RMI1: variants seen among roughly 807,000 people sequenced by gnomAD.
RMI1 encodes recQ-mediated genome instability protein 1.
Under a neutral mutation model 46.7 loss-of-function variants are expected in RMI1, and 36 were observed. That is an observed-to-expected ratio of 0.77 (90% CI 0.59 to 1.02). RMI1 has a LOEUF of 1.02. Among genes scored for constraint, RMI1 ranks in the 50% least tolerant of loss-of-function variants. The probability of loss-of-function intolerance (pLI) is 0.00; values close to 1 mark genes in which losing one functional copy is unlikely to be tolerated. For synonymous variants in RMI1, 250 were observed against 252.9 expected (o/e 0.99, Z 0.11); for missense variants, 676 against 713.7 (o/e 0.95, Z 0.60).
At chr9:83,980,639 G>C (rs1456201472), upstream of RMI1, 1 of 153,276 alleles carries the variant, frequency 6.5e-6, no homozygotes, top group Non-Finnish European at 1.5e-5. Context: ...CTAGCTGGGG[G>C]GAGGGGCGGC....
rs775048315 is a variant in RMI1, at chr9:84,002,392, G to T, written c.1406G>T (p.Cys469Phe). ...SNENDCNLQS[C>F]SLRSSENSIN... ...GAAAATGATTGTAATTTACAGAGTT[G>T]TTCTTTAAGATCATCAGAGAATAGC... Residue 469 changes from cysteine to phenylalanine, a missense_variant, in exon 3 of 3, where the codon TGT (cysteine) becomes TTT (phenylalanine). Transcript: ENST00000445877. 6.2e-7 allele frequency: 1 copy of T among 1,612,346 alleles called. No individual in the cohort carries two copies. The highest frequency in any genetic ancestry group is 1.1e-5 in the South Asian group (1 of 91,040).
chr9:83,986,036 A>G (rs1004630268), intron 1 of RMI1, among the ~76,000 whole-genome samples: 2 of 152,184 alleles, frequency 1.3e-5, no homozygotes, highest in Admixed American at 6.5e-5. Flanking sequence ...AGCATATACC[A>G]GGAAGAGCAA....
chr9:83,988,157 T>C (rs973984838), intron 1 of RMI1, among the ~76,000 whole-genome samples: 20 of 152,188 alleles, frequency 1.3e-4, no homozygotes, highest in Non-Finnish European at 2.4e-4. Flanking sequence ...GTGCTGGGAT[T>C]ACAGGTGTGT....
rs1458363977 is a variant in RMI1 at position 84,002,910 on chromosome 9, A to C, written c.*46A>C. On this transcript the variant is annotated 3_prime_UTR_variant, in exon 3 of 3. Coordinates refer to ENST00000445877, the MANE Select transcript of RMI1 (RefSeq NM_001358291.2). The stretch of plus-strand genomic sequence containing the variant: ...GAACAATTAAAAACAACAAGGAAAT[A>C]TTTAGAATTTGTTCACAATTTTACT... 8.6e-7 allele frequency: 1 copy of C among 1,166,884 alleles called. No individual in the cohort carries two copies. The highest frequency in any genetic ancestry group is 2.4e-5 in the Admixed American group (1 of 40,960). The allele number at this position is 1,166,884 out of a possible 1,614,324, so 72.3% of individuals were successfully genotyped here.
chr9:84,002,839 A>G lies in RMI1; in HGVS notation c.1853A>G (p.Asn618Ser). 1 of 1,554,034 alleles carries G rather than the reference A, an allele frequency of 6.4e-7. No homozygotes were observed. Among genetic ancestry groups the G allele is most frequent in the Non-Finnish European group, 8.8e-7 (1 of 1,141,652 alleles). ...LQDVNMEHLE[N>S]LKKRLNK ...GATGTTAATATGGAACACCTTGAGA[A>G]TCTAAAGAAGCGGTTAAATAAATAA... is the stretch of plus-strand genomic sequence containing the variant. The change falls in exon 3 of 3, where the codon AAT (asparagine) becomes AGT (serine). Residue 618 changes from asparagine to serine, a missense_variant. Physicochemically the swap from Asn to Ser is conservative, Grantham distance 46. Coordinates refer to ENST00000445877, the MANE Select transcript of RMI1 (RefSeq NM_001358291.2).
intron 1 of RMI1, among the ~76,000 whole-genome samples, chr9:83,999,008 GCA>G (rs1957699411): frequency 6.6e-6 from 1 of 152,088 alleles, no homozygotes; most frequent in Non-Finnish European, 1.5e-5. Flanking sequence ...AGGTGTGGTG[GCA>G]CACACCTGTA....
intron 1 of RMI1, among the ~76,000 whole-genome samples, chr9:83,985,514 A>AT (rs1957476365): frequency 6.6e-6 from 1 of 152,126 alleles, no homozygotes; most frequent in Non-Finnish European, 1.5e-5. Flanking sequence ...AGTCAATGGA[A>AT]TTTTTTTCTT....
chr9:83,989,728 G>A (rs1957541544), intron 1 of RMI1, among the ~76,000 whole-genome samples: 1 of 151,800 alleles, frequency 6.6e-6, no homozygotes, highest in South Asian at 2.1e-4. Context: ...AAGGGGAATG[G>A]TAGGACAGTT....
rs756372087 is a variant in RMI1, at chr9:84,002,140, A to G, written c.1154A>G (p.Glu385Gly). 2.5e-6 allele frequency: 4 copies of G among 1,613,804 alleles called. No individual in the cohort carries two copies. ...EKNVSEQMTNEDKSFGCPSVR... is the reference protein window; with the variant it reads ...EKNVSEQMTNGDKSFGCPSVR... ...AATGTATCTGAACAAATGACTAATG[A>G]AGACAAATCATTTGGTTGTCCATCT... The change falls in exon 3 of 3, where the codon GAA becomes GGA. Residue 385 changes from glutamate to glycine, a missense_variant. Coordinates refer to ENST00000445877, the MANE Select transcript of RMI1 (RefSeq NM_001358291.2).
rs1957751880 is a variant in RMI1, at chr9:84,002,386, A to G, written c.1400A>G (p.Gln467Arg). The G allele has an allele frequency of 6.2e-7, 1 of 1,611,320 alleles. No homozygotes were observed. The highest frequency in any genetic ancestry group is 1.3e-5 in the African/African-American group (1 of 74,780). ...TCTAATGAAAATGATTGTAATTTACAGAGTTGTTCTTTAAGATCATCAGAG... is the reference window on the plus strand; with the variant it reads ...TCTAATGAAAATGATTGTAATTTACGGAGTTGTTCTTTAAGATCATCAGAG... Reference protein sequence around the residue: ...QISNENDCNLQSCSLRSSENS... With the variant: ...QISNENDCNLRSCSLRSSENS... Residue 467 changes from glutamine (Q) to arginine (R), a missense_variant, in exon 3 of 3, where the codon CAG (glutamine) becomes CGG (arginine). Transcript: ENST00000445877.
intron 1 of RMI1, among the ~76,000 whole-genome samples, chr9:83,982,848 A>T (rs749682819): frequency 6.6e-6 from 1 of 152,170 alleles, no homozygotes; most frequent in Non-Finnish European, 1.5e-5. Context: ...TCTTTAAATA[A>T]CAGGAAAGTC....
chr9:83,983,315 C>T (rs1265867059), intron 1 of RMI1, among the ~76,000 whole-genome samples: 1 of 152,082 alleles, frequency 6.6e-6, no homozygotes, highest in Non-Finnish European at 1.5e-5. Flanking sequence ...CTGTCTTTTC[C>T]TTACTTTAGG....
intron 1 of RMI1, among the ~76,000 whole-genome samples, chr9:83,985,730 C>T (rs111636949): frequency 0.034 from 5,105 of 152,280 alleles, 266 homozygotes; most frequent in African/African-American, 0.11. Context: ...CACATACGGC[C>T]GGGCGCGGTG....
At chr9:83,984,487 G>A (rs1224391247) in intron 1 of RMI1, among the ~76,000 whole-genome samples, 1 of 151,636 alleles carries the variant, frequency 6.6e-6, no homozygotes, top group Non-Finnish European at 1.5e-5. Flanking sequence ...GGTCAGGCTG[G>A]TCTGGATCTC....
Position 83,990,442 on chromosome 9 carries a change from G to A in RMI1, c.-125-9267G>A, listed in dbSNP as rs115564438. On this transcript the variant is annotated intron_variant, in intron 1 of 2. Transcript: ENST00000445877. Reference sequence around the variant, plus strand: ...GGAGAATCGCTTGAAGTCAGGAGGCGGAGGTTGCCGTGAGTCGAGATAGCG... The same window carrying A: ...GGAGAATCGCTTGAAGTCAGGAGGCAGAGGTTGCCGTGAGTCGAGATAGCG... Among the ~76,000 whole-genome samples, 1,043 of 151,988 alleles carry A rather than the reference G, an allele frequency of 6.9e-3. 15 individuals carry two copies. The highest frequency in any genetic ancestry group is 0.024 in the African/African-American group (999 of 41,462).
At chr9:83,997,156 G>C (rs948704564) in intron 1 of RMI1, among the ~76,000 whole-genome samples, 3 of 133,940 alleles carry the variant, frequency 2.2e-5, no homozygotes, top group Admixed American at 9.0e-5. Flanking sequence ...TTGTTGCCCA[G>C]GCTGGAGTGC....
chr9:83,988,405 G>T (rs570448948), intron 1 of RMI1, among the ~76,000 whole-genome samples: 15 of 152,308 alleles, frequency 9.8e-5, no homozygotes, highest in African/African-American at 3.6e-4. Flanking sequence ...CTAGGCTCAG[G>T]TGATCCTCCT....
chr9:83,985,836 G>A (rs982926927), intron 1 of RMI1, among the ~76,000 whole-genome samples: 6 of 152,058 alleles, frequency 3.9e-5, no homozygotes, highest in Non-Finnish European at 7.4e-5. Context: ...GGGAAACCCC[G>A]TCTCTACTAA....
intron 1 of RMI1, among the ~76,000 whole-genome samples, chr9:83,984,770 T>C (rs968282476): frequency 6.6e-6 from 1 of 151,882 alleles, no homozygotes; most frequent in Non-Finnish European, 1.5e-5. Flanking sequence ...TCCATGTTGG[T>C]CAGGCTGGTC....
Sources: gnomAD v4.1 joint callset for allele counts (sites outside exome capture counted in the v4.1 genomes callset) on GRCh38, gnomAD v4.1.1 for gene constraint, MANE v1.5 for transcripts, NCBI Gene and HGNC (gene_info 2026-07-23, HGNC 2026-07-21) for gene names.